The following MSRA variants were observed in gnomAD, a reference collection of about 807,000 sequenced individuals.
The protein encoded by MSRA is methionine sulfoxide reductase A, also known as mitochondrial peptide methionine sulfoxide reductase.
A neutral mutation model predicts 31.3 loss-of-function variants in MSRA; 54 were observed. The observed-to-expected ratio is 1.73, with a 90% confidence interval of 1.39 to 2.17. The LOEUF (loss-of-function observed/expected upper bound fraction) is 2.17. Ranked by LOEUF, MSRA falls within the 30% of genes most tolerant of loss-of-function variation. The pLI, the probability that MSRA is intolerant of heterozygous loss-of-function variation, is 0.00. For missense variants in MSRA, 507 were observed against 300.9 expected (o/e 1.69, Z -5.07); for synonymous variants, 169 against 116.5 (o/e 1.45, Z -2.90).
intron 5 of MSRA, among the ~76,000 whole-genome samples, chr8:10,370,116 T>C (rs2129169662): frequency 6.6e-6 from 1 of 152,354 alleles, no homozygotes; most frequent in East Asian, 1.9e-4. Context: ...TGTCTCGTGT[T>C]TTGCAGCTGC....
At chr8:10,364,081 T>A (rs1222554408) in intron 5 of MSRA, among the ~76,000 whole-genome samples, 1 of 152,188 alleles carries the variant, frequency 6.6e-6, no homozygotes, top group Non-Finnish European at 1.5e-5. Flanking sequence ...AAACGATTAT[T>A]TAAAAACCTA....
rs558889284 is a variant in MSRA at position 10,145,212 on chromosome 8, G to A, written c.143-62621G>A. On this transcript the variant is annotated intron_variant, in intron 1 of 5. Coordinates refer to ENST00000317173, the MANE Select transcript of MSRA (RefSeq NM_012331.5). ...AGTGCGAGGCGAGAACCGTCCGATC[G>A]GAGCACCTGTTCTATGTGGGGATCA... Among the ~76,000 whole-genome samples, 6 of 152,286 alleles carry A rather than the reference G, an allele frequency of 3.9e-5. No individual in the cohort carries two copies. In the East Asian group the frequency reaches 7.7e-4, roughly 20 times the overall value.
intron 1 of MSRA, among the ~76,000 whole-genome samples, chr8:10,121,729 G>C (rs375254358): frequency 6.6e-6 from 1 of 151,624 alleles, no homozygotes; most frequent in South Asian, 2.1e-4. Context: ...GGCATGCAGC[G>C]GTATGATCAT....
At chr8:10,417,949 C>T (rs1276172446) in intron 5 of MSRA, among the ~76,000 whole-genome samples, 1 of 152,086 alleles carries the variant, frequency 6.6e-6, no homozygotes, top group African/African-American at 2.4e-5. Flanking sequence ...AGTCTAGAAT[C>T]CACATGCCCG....
At chr8:10,172,950 G>A (rs2129047054) in intron 1 of MSRA, among the ~76,000 whole-genome samples, 2 of 152,344 alleles carry the variant, frequency 1.3e-5, no homozygotes, top group Middle Eastern at 6.8e-3. Flanking sequence ...ACACCGAGTG[G>A]AAATAACCAT....
At chr8:10,336,255 A>C (rs1803035881) in intron 5 of MSRA, among the ~76,000 whole-genome samples, 1 of 152,142 alleles carries the variant, frequency 6.6e-6, no homozygotes, top group South Asian at 2.1e-4. Flanking sequence ...AGTAAGAAAG[A>C]AAAATACTGT....
At chr8:10,348,086 G>T (rs1289335797) in intron 5 of MSRA, among the ~76,000 whole-genome samples, 1 of 152,160 alleles carries the variant, frequency 6.6e-6, no homozygotes, top group African/African-American at 2.4e-5. Flanking sequence ...CGTTAAGGTG[G>T]GTTCATCCTT....
intron 4 of MSRA, among the ~76,000 whole-genome samples, chr8:10,306,837 A>C (rs1304718375): frequency 6.6e-6 from 1 of 152,124 alleles, no homozygotes; most frequent in Non-Finnish European, 1.5e-5. Flanking sequence ...TCACCCACTA[A>C]ATCTGATTTC....
intron 5 of MSRA, among the ~76,000 whole-genome samples, chr8:10,386,500 C>T (rs1468924036): frequency 6.6e-6 from 1 of 152,178 alleles, no homozygotes; most frequent in Non-Finnish European, 1.5e-5. Context: ...TATTTCAAGG[C>T]CGTGAACCTT....
intron 2 of MSRA, among the ~76,000 whole-genome samples, chr8:10,240,675 C>G (rs1028194578): frequency 9.8e-5 from 15 of 152,310 alleles, no homozygotes; most frequent in Admixed American, 9.1e-4. Context: ...CACAGCTGTC[C>G]TGAACTTGGG....
intron 1 of MSRA, among the ~76,000 whole-genome samples, chr8:10,180,991 C>A (rs1347690143): frequency 1.3e-5 from 2 of 152,124 alleles, no homozygotes; most frequent in African/African-American, 2.4e-5. Context: ...TGCTAGTCTT[C>A]GTCTCTGGAC....
intron 1 of MSRA, among the ~76,000 whole-genome samples, chr8:10,077,257 C>T (rs768747016): frequency 6.6e-6 from 1 of 152,042 alleles, no homozygotes; most frequent in Non-Finnish European, 1.5e-5. Context: ...GGCACCATGG[C>T]CAGGTGGGAA....
intron 1 of MSRA, among the ~76,000 whole-genome samples, chr8:10,102,363 A>G (rs1275164108): frequency 1.3e-5 from 2 of 152,060 alleles, no homozygotes; most frequent in African/African-American, 4.8e-5. Flanking sequence ...CATAATTTCT[A>G]TTGTTCTTAC....
intron 1 of MSRA, among the ~76,000 whole-genome samples, chr8:10,171,171 A>C (rs1048837942): frequency 6.6e-6 from 1 of 152,194 alleles, no homozygotes; most frequent in Non-Finnish European, 1.5e-5. Flanking sequence ...TGGTAGAGAA[A>C]GAGAAGCTGG....
intron 1 of MSRA, among the ~76,000 whole-genome samples, chr8:10,121,508 G>T (rs1341687730): frequency 6.6e-6 from 1 of 152,142 alleles, no homozygotes; most frequent in Non-Finnish European, 1.5e-5. Context: ...GTGTGGCAGG[G>T]GTTTAAGGGG....
chr8:10,179,776 T>C (rs1011093310), intron 1 of MSRA, among the ~76,000 whole-genome samples: 1 of 152,186 alleles, frequency 6.6e-6, no homozygotes, highest in African/African-American at 2.4e-5. Context: ...AGGTAAGATA[T>C]TCAATGAGAG....
intron 1 of MSRA, among the ~76,000 whole-genome samples, chr8:10,203,410 C>T (rs1055815053): frequency 6.6e-6 from 1 of 152,194 alleles, no homozygotes; most frequent in Non-Finnish European, 1.5e-5. Flanking sequence ...AGATATGTAA[C>T]AGTCATGTGC....
chr8:10,409,342 AT>A (rs1239655153), intron 5 of MSRA, among the ~76,000 whole-genome samples: 1 of 152,158 alleles, frequency 6.6e-6, no homozygotes, highest in Non-Finnish European at 1.5e-5. Flanking sequence ...ACTTTTTCAT[AT>A]GCTTGTGGGC....
intron 1 of MSRA, among the ~76,000 whole-genome samples, chr8:10,195,790 T>G (rs950211333): frequency 1.3e-5 from 2 of 152,246 alleles, no homozygotes; most frequent in Non-Finnish European, 2.9e-5. Context: ...CTGTAAAGTT[T>G]ATAATGACAC....
Sources: gnomAD v4.1 joint callset for allele counts (sites outside exome capture counted in the v4.1 genomes callset) on GRCh38, gnomAD v4.1.1 for gene constraint, MANE v1.5 for transcripts, NCBI Gene and HGNC (gene_info 2026-07-23, HGNC 2026-07-21) for gene names.